The following RETREG1 variants were observed in gnomAD, a reference collection of about 807,000 sequenced individuals.
The protein encoded by RETREG1 is reticulophagy regulator 1, also known as family with sequence similarity 134 member B.
In RETREG1, 44 loss-of-function variants were observed where a neutral mutation model predicts 54.8. The observed-to-expected ratio is 0.80, with a 90% CI of 0.63 to 1.03. The LOEUF (loss-of-function observed/expected upper bound fraction) is 1.03. Ranked by LOEUF, RETREG1 falls within the 50% of genes least tolerant of loss-of-function variation. The pLI is 0.00. For missense variants in RETREG1, 554 were observed against 605.1 expected (o/e 0.92, Z 0.89); for synonymous variants, 217 against 238.5 (o/e 0.91, Z 0.83).
chr5:16,557,042 C>T (rs1741728511), intron 3 of RETREG1, among the ~76,000 whole-genome samples: 1 of 152,130 alleles, frequency 6.6e-6, no homozygotes, highest in Non-Finnish European at 1.5e-5. Flanking sequence ...GTTGCCTAGG[C>T]TGGTCTTGAA....
rs1561134409 is a variant in RETREG1 at position 16,597,383 on chromosome 5, A to G, written c.320+19269T>C. 6.6e-6 allele frequency among the ~76,000 whole-genome samples: 1 copy of G among 152,242 alleles called. No individual in the cohort carries two copies. ...CTGAATTGTAACATTATCCTTATTC[A>G]CTGATTTGTCACTGTACCTTCATCA... On this transcript the variant is annotated intron_variant, in intron 1 of 8. Coordinates refer to ENST00000306320, the MANE Select transcript of RETREG1 (RefSeq NM_001034850.3). The surrounding 1 kb of genome is among the most constrained non-coding windows in gnomAD (Gnocchi z 4.3).
intron 3 of RETREG1, among the ~76,000 whole-genome samples, chr5:16,543,970 G>GTTTT (rs750605921): frequency 7.4e-5 from 9 of 121,098 alleles, no homozygotes; most frequent in African/African-American, 1.3e-4. Context: ...TTATTGCCAA[G>GTTTT]TTTTTTTTTT....
rs1738375230 is a variant in RETREG1 at position 16,473,208 on chromosome 5, A to C, written c.*1533T>G. ...GGCAAGATAATGAAGGCACAGGCTC[A>C]CTTTGTATCAATAAAGGACATCAAA... On this transcript the variant is annotated 3_prime_UTR_variant, in exon 9 of 9. Transcript: ENST00000306320. 1 of 152,554 alleles carries C rather than the reference A, an allele frequency of 6.6e-6. No homozygotes were observed. The highest frequency in any genetic ancestry group is 2.4e-5 in the African/African-American group (1 of 41,430). 9.5% of individuals were successfully genotyped at this position (152,554 alleles called of 1,614,324 possible).
intron 2 of RETREG1, among the ~76,000 whole-genome samples, chr5:16,567,071 A>C (rs1012427453): frequency 2.0e-5 from 3 of 152,222 alleles, no homozygotes; most frequent in Non-Finnish European, 4.4e-5. Flanking sequence ...AGTATAGCTG[A>C]TGGATAAGGA....
intron 3 of RETREG1, among the ~76,000 whole-genome samples, chr5:16,520,159 A>C (rs1740485138): frequency 6.6e-6 from 1 of 152,076 alleles, no homozygotes. Context: ...GGACTTGCAA[A>C]AGTCATGATG....
In RETREG1 at chr5:16,561,235, C is replaced by G. The variant is rs1348103447; in HGVS notation, c.458+4528G>C. Among the ~76,000 whole-genome samples, 1 of 152,152 alleles carries G rather than the reference C, an allele frequency of 6.6e-6. No homozygotes were observed. Among genetic ancestry groups the G allele is most frequent in the African/African-American group, 2.4e-5 (1 of 41,432 alleles). On this transcript the variant is annotated intron_variant, in intron 3 of 8. Transcript: ENST00000306320. This position sits in a 1 kb window ranked among gnomAD's most constrained non-coding sequence, Gnocchi z 4.2. Reference sequence around the variant, plus strand: ...ACTTCCCGCCGGGCGCAGTGGCTCACACCTGTAATCCCAGCACTTTGGGAG... The same window carrying G: ...ACTTCCCGCCGGGCGCAGTGGCTCAGACCTGTAATCCCAGCACTTTGGGAG...
intron 1 of RETREG1, among the ~76,000 whole-genome samples, chr5:16,611,154 C>CA (rs1295687910): frequency 6.6e-6 from 1 of 151,938 alleles, no homozygotes; most frequent in Non-Finnish European, 1.5e-5. Context: ...ATCACAAGGA[C>CA]AAAAAAACCA....
intron 3 of RETREG1, among the ~76,000 whole-genome samples, chr5:16,547,544 A>C (rs1223257753): frequency 6.6e-6 from 1 of 152,230 alleles, no homozygotes; most frequent in Non-Finnish European, 1.5e-5. Flanking sequence ...ATGGCCCAAA[A>C]ATAAATAACT....
chr5:16,586,643 A>G (rs1369973351), intron 1 of RETREG1, among the ~76,000 whole-genome samples: 2 of 152,212 alleles, frequency 1.3e-5, no homozygotes, highest in Admixed American at 1.3e-4. Flanking sequence ...TTCAAATATT[A>G]TCTGATTCTA....
intron 1 of RETREG1, among the ~76,000 whole-genome samples, chr5:16,588,809 T>C (rs926838458): frequency 6.6e-6 from 1 of 152,244 alleles, no homozygotes; most frequent in African/African-American, 2.4e-5. Flanking sequence ...ATAAATTATA[T>C]GCTCACCCTA....
rs3993834 is a variant in RETREG1 at position 16,581,526 on chromosome 5, AACACACACAC to A, written c.321-9434_321-9425del. Among the ~76,000 whole-genome samples, 865 of 143,474 alleles carry A rather than the reference AACACACACAC, an allele frequency of 6.0e-3. 16 individuals are homozygous for A. Among genetic ancestry groups the A allele is most frequent in the Admixed American group, 0.031 (451 of 14,786 alleles). 94.1% of individuals were successfully genotyped at this position (143,474 alleles called of 152,430 possible). On this transcript the variant is annotated intron_variant, in intron 1 of 8. Coordinates refer to ENST00000306320, the MANE Select transcript of RETREG1 (RefSeq NM_001034850.3). The stretch of plus-strand genomic sequence containing the variant: ...AAATACTTTTTAAGTTCAGAAACAC[AACACACACAC>A]ACACACACACACACACACACACACA...
intron 3 of RETREG1, among the ~76,000 whole-genome samples, chr5:16,514,400 G>A (rs1329438797): frequency 2.0e-5 from 3 of 152,220 alleles, no homozygotes; most frequent in African/African-American, 7.2e-5. Context: ...CCACCTGCGT[G>A]AGGTTGGTAC....
intron 3 of RETREG1, among the ~76,000 whole-genome samples, chr5:16,522,497 GA>G (rs1326843312): frequency 6.6e-6 from 1 of 152,092 alleles, no homozygotes; most frequent in Admixed American, 6.5e-5. Context: ...TCAATGACTA[GA>G]AAAAGTCATG....
intron 1 of RETREG1, among the ~76,000 whole-genome samples, chr5:16,603,415 A>T (rs1210959355): frequency 6.6e-6 from 1 of 152,208 alleles, no homozygotes; most frequent in African/African-American, 2.4e-5. Flanking sequence ...CAGATCTGAA[A>T]CTGAAATTAA....
chr5:16,523,982 C>T (rs578250425), intron 3 of RETREG1, among the ~76,000 whole-genome samples: 12 of 152,252 alleles, frequency 7.9e-5, no homozygotes, highest in Non-Finnish European at 1.2e-4. Context: ...TCTGCCTCAG[C>T]GCCCCTCTCT....
chr5:16,610,548 A>G (rs923089208), intron 1 of RETREG1, among the ~76,000 whole-genome samples: 3 of 152,334 alleles, frequency 2.0e-5, no homozygotes, highest in Admixed American at 2.0e-4. Flanking sequence ...AAAGAACTTA[A>G]ACAAATTTAC....
rs983544268 is a variant in RETREG1 at position 16,597,046 on chromosome 5, T to C, written c.320+19606A>G. Among the ~76,000 whole-genome samples the C allele has an allele frequency of 2.0e-5, 3 of 150,164 alleles. No homozygotes were observed. The highest frequency in any genetic ancestry group is 4.5e-5 in the Non-Finnish European group (3 of 67,354). Reference sequence around the variant, plus strand: ...TGACATTTGTCAGACAACAGAAAAATGCATCTACACCAAAGGACGTGGAAA... The same window carrying C: ...TGACATTTGTCAGACAACAGAAAAACGCATCTACACCAAAGGACGTGGAAA... On this transcript the variant is annotated intron_variant, in intron 1 of 8. Coordinates refer to ENST00000306320, the MANE Select transcript of RETREG1 (RefSeq NM_001034850.3). The surrounding 1 kb of genome is among the most constrained non-coding windows in gnomAD (Gnocchi z 4.3).
At chr5:16,522,923 C>G (rs1043192712) in intron 3 of RETREG1, among the ~76,000 whole-genome samples, 2 of 151,998 alleles carry the variant, frequency 1.3e-5, no homozygotes, top group African/African-American at 4.8e-5. Context: ...GGAGGATCAC[C>G]TGCACTCAGG....
chr5:16,587,359 G>A (rs1322504192), intron 1 of RETREG1, among the ~76,000 whole-genome samples: 1 of 152,192 alleles, frequency 6.6e-6, no homozygotes, highest in Non-Finnish European at 1.5e-5. Context: ...TCCATAAATA[G>A]ATTAGGTTGG....
Sources: allele counts gnomAD v4.1 joint callset (sites outside exome capture counted in the v4.1 genomes callset), GRCh38; gene constraint gnomAD v4.1.1; non-coding constraint Gnocchi (gnomAD v3.1); transcripts MANE v1.5; gene names NCBI Gene and HGNC (gene_info 2026-07-23, HGNC 2026-07-21).